Variants in MAVS observed in about 807,000 individuals in gnomAD.
MAVS encodes mitochondrial antiviral signaling protein.
MAVS carries 20 observed loss-of-function variants against 30.2 expected under a neutral mutation model. The ratio of observed to expected loss-of-function variants is 0.66; its 90% CI spans 0.47 to 0.96. MAVS has a LOEUF of 0.96. Ranked by LOEUF, MAVS falls within the 40% of genes least tolerant of loss-of-function variation. MAVS has a pLI of 0.00. For missense variants in MAVS, 624 were observed against 701.1 expected, an observed-to-expected ratio of 0.89 and a Z score of 1.24; for synonymous variants, 278 against 293.9, an observed-to-expected ratio of 0.95 and a Z score of 0.55.
Position 3,865,818 on chromosome 20 carries a change from TTC to T in MAVS, c.1297_1298del (p.Ser433GlyfsTer26). On this transcript the variant is annotated frameshift_variant, in exon 7 of 7. Transcript: ENST00000428216. LOFTEE classifies it low-confidence loss of function (END_TRUNC). The surrounding 1 kb of genome is among the most constrained non-coding windows in gnomAD (Gnocchi z 4.7). ...GVLASQVDSP[F>X]SGCFEDLAIS... is the part of the protein sequence containing the mutation. ...GCTGGCATCCCAGGTAGACAGCCCG[TTC>T]TCGGGCTGCTTCGAGGATCTTGCCA... The T allele has an allele frequency of 6.2e-7, 1 of 1,613,870 alleles. No individual in the cohort carries two copies. Among genetic ancestry groups the T allele is most frequent in the African/African-American group, 1.3e-5 (1 of 75,016 alleles).
At chr20:3,856,167 G>A (rs1351825504) in intron 2 of MAVS, among the ~76,000 whole-genome samples, 3 of 151,256 alleles carry the variant, frequency 2.0e-5, no homozygotes, top group African/African-American at 4.9e-5. Context: ...CCATTCTCCT[G>A]CCTCAGCCTC....
At position 3,871,429 on chromosome 20, in the gene MAVS, C is replaced by T. The variant is rs1374665415; in HGVS notation, c.*5282C>T. 6.5e-6 allele frequency: 1 copy of T among 153,688 alleles called. No homozygotes were observed. The highest frequency in any genetic ancestry group is 2.1e-4 in the South Asian group (1 of 4,828). 9.5% of individuals were successfully genotyped at this position (153,688 alleles called of 1,614,324 possible). On this transcript the variant is annotated 3_prime_UTR_variant, in exon 7 of 7. Transcript: ENST00000428216. ...GGGCCGAAGCGGGTTCCTCTGTTGT[C>T]AAGCTCTTTGGAGGTGCCTGGCTGC...
At chr20:3,857,852 C>T in intron 3 of MAVS, 43 bp downstream of exon 3, 1 of 1,601,774 alleles carries the variant, frequency 6.2e-7, no homozygotes, top group South Asian at 1.1e-5. Context: ...CAGCCTGCTC[C>T]CTGGCCTCCG....
chr20:3,852,595 G>C (rs2146757660), intron 1 of MAVS, among the ~76,000 whole-genome samples: 1 of 152,220 alleles, frequency 6.6e-6, no homozygotes, highest in Middle Eastern at 3.4e-3. Context: ...CCCACCGCAT[G>C]TGCTAGGGGT....
intron 3 of MAVS, among the ~76,000 whole-genome samples, chr20:3,860,510 G>A (rs2089857712): frequency 6.6e-6 from 1 of 151,944 alleles, no homozygotes; most frequent in Admixed American, 6.6e-5. Context: ...GAGTAGCTGG[G>A]ATTACAGGCA....
At position 3,874,624 on chromosome 20, in the gene MAVS, C is replaced by G. The variant is rs1192382982; in HGVS notation, c.*8477C>G. 1.2e-5 allele frequency: 2 copies of G among 161,954 alleles called. No homozygotes were observed. Among genetic ancestry groups the G allele is most frequent in the Non-Finnish European group, 2.7e-5 (2 of 74,978 alleles). 10.0% of individuals were successfully genotyped at this position (161,954 alleles called of 1,614,324 possible). A position where few individuals can be genotyped will look rare whatever the true frequency, so the allele number is the denominator to read the frequency against. On this transcript the variant is annotated 3_prime_UTR_variant, in exon 7 of 7. Transcript: ENST00000428216. ...GTATATTTGGCTTTCTCTGGTTGGT[C>G]TGGAGTTGGAAGAGGGGGTGTGGTG...
chr20:3,847,621 C>A (rs112483687), intron 1 of MAVS, among the ~76,000 whole-genome samples: 1 of 152,196 alleles, frequency 6.6e-6, no homozygotes, highest in African/African-American at 2.4e-5. Context: ...GGACAGCCAG[C>A]GACCTGGGAC....
At position 3,857,558 on chromosome 20, in the gene MAVS, C is replaced by T. The variant is rs76055836; in HGVS notation, c.118-77C>T. ...GTGGCTTTCTTGGCACCCCTCCCCC[C>T]GCTGTGGCTTCATTCTGGGTGGGGA... is the stretch of plus-strand genomic sequence containing the variant. On this transcript the variant is annotated intron_variant, in intron 2 of 6. Transcript: ENST00000428216. 1.9e-4 allele frequency: 294 copies of T among 1,523,684 alleles called. 1 individual carries two copies. In the Middle Eastern group the frequency reaches 2.7e-3, roughly 14 times the overall value. The allele number at this position is 1,523,684 out of a possible 1,614,324, so 94.4% of individuals were successfully genotyped here. A position where few individuals can be genotyped will look rare whatever the true frequency, so the allele number is the denominator to read the frequency against.
In MAVS at chr20:3,850,881, G is replaced by C. The variant is rs6107355; in HGVS notation, c.-67-3677G>C. The stretch of plus-strand genomic sequence containing the variant: ...AGCTTTGGTGACAGAGCGAAACTCC[G>C]TCTCAAAAAAAAAAAAAAAAAAAAT... On this transcript the variant is annotated intron_variant, in intron 1 of 6. Transcript: ENST00000428216. 5.5e-5 allele frequency among the ~76,000 whole-genome samples: 7 copies of C among 127,666 alleles called. No individual in the cohort carries two copies. In the Admixed American group the frequency reaches 5.9e-4, roughly 11 times the overall value. 83.8% of individuals were successfully genotyped at this position (127,666 alleles called of 152,430 possible). A position where few individuals can be genotyped will look rare whatever the true frequency, so the allele number is the denominator to read the frequency against.
intron 1 of MAVS, among the ~76,000 whole-genome samples, chr20:3,853,360 C>A (rs987443168): frequency 6.6e-6 from 1 of 151,246 alleles, no homozygotes; most frequent in African/African-American, 2.4e-5. Context: ...GTGGCGGGCG[C>A]CTGTCGTCCC....
At position 3,871,659 on chromosome 20, in the gene MAVS, T is replaced by C. The variant is rs898885146; in HGVS notation, c.*5512T>C. On this transcript the variant is annotated 3_prime_UTR_variant, in exon 7 of 7. Coordinates refer to ENST00000428216, the MANE Select transcript of MAVS (RefSeq NM_020746.5). ...CCTTCAGGCCTTGAGTCCCACATTT[T>C]CCATGATGCTCCATTAAGCAGCTGA... is the stretch of plus-strand genomic sequence containing the variant. The C allele has an allele frequency of 6.6e-6, 1 of 152,332 alleles. No homozygotes were observed. Among genetic ancestry groups the C allele is most frequent in the Admixed American group, 6.6e-5 (1 of 15,258 alleles). 9.4% of individuals were successfully genotyped at this position (152,332 alleles called of 1,614,324 possible). A position where few individuals can be genotyped will look rare whatever the true frequency, so the allele number is the denominator to read the frequency against.
rs1435824927 is a variant in MAVS at position 3,846,865 on chromosome 20, G to A, written c.-106G>A. ...GCTGCGGGAAGGGTCCTGGGCCCCG[G>A]GCGGCGGTCGCCAGGTCTCAGGGCC... On this transcript the variant is annotated 5_prime_UTR_variant, in exon 1 of 7. Coordinates refer to ENST00000428216, the MANE Select transcript of MAVS (RefSeq NM_020746.5). 1.3e-5 allele frequency: 2 copies of A among 152,446 alleles called. No individual in the cohort carries two copies. Among genetic ancestry groups the A allele is most frequent in the African/African-American group, 2.4e-5 (1 of 41,430 alleles). The allele number at this position is 152,446 out of a possible 1,614,324, so 9.4% of individuals were successfully genotyped here.
At chr20:3,859,208 A>G (rs1300179232) in intron 3 of MAVS, among the ~76,000 whole-genome samples, 1 of 137,994 alleles carries the variant, frequency 7.2e-6, no homozygotes, top group Admixed American at 7.8e-5. Flanking sequence ...TCATGTGTGG[A>G]GATTAATAGT....
intron 2 of MAVS, among the ~76,000 whole-genome samples, chr20:3,855,543 G>C (rs1373806274): frequency 6.6e-6 from 1 of 152,068 alleles, no homozygotes; most frequent in Non-Finnish European, 1.5e-5. Flanking sequence ...ACCCCTCCCC[G>C]TTGTAGCTGC....
rs2089858469 is a variant in MAVS, at chr20:3,860,610, G to A, written c.293-722G>A. On this transcript the variant is annotated intron_variant, in intron 3 of 6. Transcript: ENST00000428216. ...GGCTGGTCTCGAACTCACGACCTCAGGTGATCCACCCACTTCGGCCTCCCA... is the reference window on the plus strand; with the variant it reads ...GGCTGGTCTCGAACTCACGACCTCAAGTGATCCACCCACTTCGGCCTCCCA... 3.4e-5 allele frequency among the ~76,000 whole-genome samples: 5 copies of A among 149,106 alleles called. No individual in the cohort carries two copies. In the South Asian group the frequency reaches 8.5e-4, roughly 25 times the overall value.
At chr20:3,850,678 A>G (rs2089752391) in intron 1 of MAVS, among the ~76,000 whole-genome samples, 1 of 150,822 alleles carries the variant, frequency 6.6e-6, no homozygotes, top group African/African-American at 2.4e-5. Flanking sequence ...CGAGTTCAGG[A>G]GATTGAGACC....
Position 3,861,486 on chromosome 20 carries a change from G to T in MAVS, c.447G>T (p.Ala149=). 1 of 1,613,932 alleles carries T rather than the reference G, an allele frequency of 6.2e-7. No homozygotes were observed. Residue 149 remains alanine (A), a synonymous_variant, in exon 4 of 7, where the codon GCG becomes GCT. Coordinates refer to ENST00000428216, the MANE Select transcript of MAVS (RefSeq NM_020746.5). The stretch of plus-strand genomic sequence containing the variant: ...CCATGCCTGTCCAGGAGACCCAGGC[G>T]CCAGAGTCCCCAGGAGAGGTCTGTC... ...SYPMPVQETQ[A]PESPGENSEQ... is the part of the protein sequence containing the mutation.
chr20:3,866,394 C>A lies in MAVS; in HGVS notation c.*247C>A. 1.9e-6 allele frequency: 1 copy of A among 532,672 alleles called. No homozygotes were observed. The highest frequency in any genetic ancestry group is 3.3e-6 in the Non-Finnish European group (1 of 302,546). The allele number at this position is 532,672 out of a possible 1,614,324, so 33.0% of individuals were successfully genotyped here. On this transcript the variant is annotated 3_prime_UTR_variant, in exon 7 of 7. Transcript: ENST00000428216. ...TCTGGGTCCTGGGCTGCCCCCAGTG[C>A]TCCAGACCTTCCCCACTGGCAATCC... is the stretch of plus-strand genomic sequence containing the variant.
At chr20:3,859,464 C>T (rs1416331882) in intron 3 of MAVS, among the ~76,000 whole-genome samples, 3 of 150,688 alleles carry the variant, frequency 2.0e-5, no homozygotes, top group Admixed American at 6.6e-5. Flanking sequence ...GCCGAGATTG[C>T]GCCACTGCAC....
Sources: allele counts gnomAD v4.1 joint callset (sites outside exome capture counted in the v4.1 genomes callset), GRCh38; gene constraint gnomAD v4.1.1; non-coding constraint Gnocchi (gnomAD v3.1); transcripts MANE v1.5; gene names NCBI Gene and HGNC (gene_info 2026-07-23, HGNC 2026-07-21).